The following FBXW4 variants were observed in gnomAD, a reference collection of about 807,000 sequenced individuals.
The protein encoded by FBXW4 is F-box and WD repeat domain containing 4, also known as F-box/WD repeat-containing protein 4.
FBXW4 carries 40 observed loss-of-function variants against 61.8 expected under a neutral mutation model. The observed-to-expected ratio is 0.65, with a 90% CI of 0.50 to 0.84. The LOEUF (loss-of-function observed/expected upper bound fraction) is 0.84, where lower values mean the gene tolerates loss of function less well. Ranked by LOEUF, FBXW4 falls within the 40% of genes least tolerant of loss-of-function variation. The pLI, the probability that FBXW4 is intolerant of heterozygous loss-of-function variation, is 0.00. For missense variants in FBXW4, 672 were observed against 753.8 expected (o/e 0.89, Z 1.27); for synonymous variants, 311 against 313.8 (o/e 0.99, Z 0.10).
intron 5 of FBXW4, among the ~76,000 whole-genome samples, chr10:101,637,702 A>C (rs2064016819): frequency 3.5e-4 from 1 of 2,818 alleles, no homozygotes; most frequent in Admixed American, 4.2e-3. Flanking sequence ...CCTGTCTCAA[A>C]AAAAAAAAAA....
At chr10:101,636,977 A>T (rs547274107) in intron 5 of FBXW4, among the ~76,000 whole-genome samples, 10 of 152,338 alleles carry the variant, frequency 6.6e-5, no homozygotes, top group Admixed American at 4.6e-4. Flanking sequence ...TTTGCTTCAA[A>T]ATAATATGGG....
intron 5 of FBXW4, among the ~76,000 whole-genome samples, chr10:101,663,433 G>A (rs2064264570): frequency 6.6e-6 from 1 of 152,200 alleles, no homozygotes; most frequent in African/African-American, 2.4e-5. Flanking sequence ...TCATACTTTA[G>A]TATTTACTGT....
At chr10:101,625,601 C>T (rs2063901451) in intron 5 of FBXW4, 1 of 152,224 alleles carries the variant, frequency 6.6e-6, no homozygotes, top group South Asian at 2.1e-4. Flanking sequence ...AATGGAGGCA[C>T]AAGCCTGGTA....
intron 2 of FBXW4, 53 bp downstream of exon 2, chr10:101,676,288 C>T (rs2064407332): frequency 6.7e-7 from 1 of 1,492,228 alleles, no homozygotes; most frequent in Non-Finnish European, 9.2e-7. Flanking sequence ...TTTTTACTTT[C>T]CATTATGCTT....
chr10:101,632,147 A>T (rs2063963923), intron 5 of FBXW4, among the ~76,000 whole-genome samples: 1 of 152,040 alleles, frequency 6.6e-6, no homozygotes, highest in South Asian at 2.1e-4. Flanking sequence ...TCTTTCTCCC[A>T]ATTAGGCCAC....
intron 5 of FBXW4, among the ~76,000 whole-genome samples, chr10:101,665,582 T>A (rs1377593207): frequency 1.3e-5 from 2 of 152,204 alleles, no homozygotes; most frequent in Non-Finnish European, 2.9e-5. Context: ...TACTAAATGT[T>A]AGCTGCTAGT....
intron 2 of FBXW4, among the ~76,000 whole-genome samples, chr10:101,674,326 CAA>C (rs11431014): frequency 5.7e-5 from 8 of 140,040 alleles, no homozygotes; most frequent in Non-Finnish European, 7.7e-5. Context: ...GAGACTGTCT[CAA>C]AAAAAAAAAA....
rs1237009547 is a variant in FBXW4, at chr10:101,694,621, T to TCCC, written c.482_484dup (p.Gly161dup). 1 of 1,429,424 alleles carries TCCC rather than the reference T, an allele frequency of 7.0e-7. No individual in the cohort carries two copies. The highest frequency in any genetic ancestry group is 1.5e-5 in the African/African-American group (1 of 66,746). The allele number at this position is 1,429,424 out of a possible 1,614,324, so 88.5% of individuals were successfully genotyped here. The stretch of plus-strand genomic sequence containing the variant: ...AGCCGCCTCCTCCTCCTCCTCCTCC[T>TCCC]CCCCGGCCGCCGCCGCCATGGCCAC... On this transcript the variant is annotated inframe_insertion, in exon 1 of 9. Coordinates refer to ENST00000331272, the MANE Select transcript of FBXW4 (RefSeq NM_022039.4). The surrounding 1 kb of genome is among the most constrained non-coding windows in gnomAD (Gnocchi z 6.0).
chr10:101,686,043 A>G (rs1188533084), intron 1 of FBXW4, among the ~76,000 whole-genome samples: 4 of 151,166 alleles, frequency 2.6e-5, no homozygotes, highest in African/African-American at 9.7e-5. Context: ...CCCACATGTC[A>G]AAAATGTCTA....
Position 101,683,578 on chromosome 10 carries a change from C to T in FBXW4, c.726-7142G>A, listed in dbSNP as rs553131094. On this transcript the variant is annotated intron_variant, in intron 1 of 8. Coordinates refer to ENST00000331272, the MANE Select transcript of FBXW4 (RefSeq NM_022039.4). ...AGTTATCTAGAATGACCTTTCATTTCCCCTCTCCTTGCTCACACCCCAAAA... is the reference window on the plus strand; with the variant it reads ...AGTTATCTAGAATGACCTTTCATTTTCCCTCTCCTTGCTCACACCCCAAAA... Among the ~76,000 whole-genome samples the T allele has an allele frequency of 1.9e-4, 29 of 152,242 alleles. 1 individual carries two copies. Among genetic ancestry groups the T allele is most frequent in the South Asian group, 1.2e-3 (6 of 4,820 alleles).
intron 5 of FBXW4, chr10:101,627,958 C>T (rs756746754): frequency 1.0e-6 from 1 of 985,322 alleles, no homozygotes; most frequent in Non-Finnish European, 1.2e-6. Context: ...GTGATTTAAC[C>T]CAAACAAAAT....
Position 101,694,971 on chromosome 10 carries a change from C to T in FBXW4, c.135G>A (p.Ala45=). Residue 45 remains alanine, a synonymous_variant, in exon 1 of 9, where the codon GCG becomes GCA. Coordinates refer to ENST00000331272, the MANE Select transcript of FBXW4 (RefSeq NM_022039.4). The surrounding 1 kb of genome is among the most constrained non-coding windows in gnomAD (Gnocchi z 6.0). The part of the protein sequence containing the change: ...KRRKGKGKGK[A]RAGQGGRGSG... Reference sequence around the variant, plus strand: ...TTCCTCTTCCGCCTTGCCCCGCTCTCGCTTTTCCCTTCCCCTTCCCCTTCC... The same window carrying T: ...TTCCTCTTCCGCCTTGCCCCGCTCTTGCTTTTCCCTTCCCCTTCCCCTTCC... 8.3e-7 allele frequency: 1 copy of T among 1,197,676 alleles called. No homozygotes were observed. The highest frequency in any genetic ancestry group is 1.0e-6 in the Non-Finnish European group (1 of 965,058). 74.2% of individuals were successfully genotyped at this position (1,197,676 alleles called of 1,614,324 possible). A position where few individuals can be genotyped will look rare whatever the true frequency, so the allele number is the denominator to read the frequency against.
chr10:101,683,133 G>C (rs1421450212), intron 1 of FBXW4, among the ~76,000 whole-genome samples: 1 of 152,224 alleles, frequency 6.6e-6, no homozygotes, highest in African/African-American at 2.4e-5. Context: ...AAAAGTACCT[G>C]AGAAGACAGG....
intron 5 of FBXW4, among the ~76,000 whole-genome samples, chr10:101,648,457 C>T (rs1346919249): frequency 6.6e-6 from 1 of 152,126 alleles, no homozygotes; most frequent in African/African-American, 2.4e-5. Context: ...GAGCAAGCAC[C>T]CTGGATCAGA....
chr10:101,655,872 C>T (rs2064180835), intron 5 of FBXW4, among the ~76,000 whole-genome samples: 1 of 152,198 alleles, frequency 6.6e-6, no homozygotes, highest in East Asian at 1.9e-4. Context: ...GCTCCTGAAA[C>T]TCAAGTTCTG....
chr10:101,622,056 C>G (rs916074708), intron 6 of FBXW4, among the ~76,000 whole-genome samples: 2 of 145,738 alleles, frequency 1.4e-5, no homozygotes, highest in African/African-American at 5.1e-5. Context: ...GGATGACTAT[C>G]AAAAGAGAAT....
intron 2 of FBXW4, among the ~76,000 whole-genome samples, chr10:101,674,167 TA>T (rs1482401135): frequency 6.6e-6 from 1 of 151,870 alleles, no homozygotes; most frequent in Non-Finnish European, 1.5e-5. Context: ...CCGTCTCTAC[TA>T]AAAATACAAA....
rs535797326 is a variant in FBXW4, at chr10:101,684,590, T to C, written c.726-8154A>G. 7.0e-4 allele frequency among the ~76,000 whole-genome samples: 106 copies of C among 152,334 alleles called. 1 individual carries two copies. The Middle Eastern group carries it at 0.01, about 15-fold the overall frequency. ...GGCTTGGAATTTTATATTAACACTA[T>C]CTCTTGATTTCTCTTATCTTCTTTC... On this transcript the variant is annotated intron_variant, in intron 1 of 8. Coordinates refer to ENST00000331272, the MANE Select transcript of FBXW4 (RefSeq NM_022039.4).
At chr10:101,642,200 G>T (rs2064059152) in intron 5 of FBXW4, among the ~76,000 whole-genome samples, 1 of 151,864 alleles carries the variant, frequency 6.6e-6, no homozygotes, top group Non-Finnish European at 1.5e-5. Flanking sequence ...GTCCACACAT[G>T]TGTATGTGTT....
Sources: allele counts gnomAD v4.1 joint callset (sites outside exome capture counted in the v4.1 genomes callset), GRCh38; gene constraint gnomAD v4.1.1; non-coding constraint Gnocchi (gnomAD v3.1); transcripts MANE v1.5; gene names NCBI Gene and HGNC (gene_info 2026-07-23, HGNC 2026-07-21).